Variants in TEX36 observed in about 807,000 individuals in gnomAD.
TEX36 encodes the protein testis-expressed protein 36.
A neutral mutation model predicts 13.6 loss-of-function variants in TEX36; 12 were observed. The ratio of observed to expected loss-of-function variants is 0.88; its 90% CI spans 0.56 to 1.43. The LOEUF is 1.43. Among genes scored for constraint, TEX36 ranks in the 40% most tolerant of loss-of-function variants. The pLI is 0.00. For synonymous variants in TEX36, 93 were observed against 83.0 expected (o/e 1.12, Z -0.65); for missense variants, 224 against 228.3 (o/e 0.98, Z 0.12).
chr10:125,603,324 TGGCGGGGGTCCA>T (rs1846173225), intron 3 of TEX36, among the ~76,000 whole-genome samples: 1 of 152,128 alleles, frequency 6.6e-6, no homozygotes. Flanking sequence ...ACCAGAAACC[TGGCGGGGGTCCA>T]GGGGTGGGGT....
chr10:125,585,877 G>A (rs913031974), intron 3 of TEX36, among the ~76,000 whole-genome samples: 1 of 152,210 alleles, frequency 6.6e-6, no homozygotes. Context: ...CTGCTGTTAA[G>A]CTGTCTTTGT....
intron 3 of TEX36, among the ~76,000 whole-genome samples, chr10:125,645,628 A>G (rs1009542731): frequency 1.3e-5 from 2 of 152,230 alleles, no homozygotes; most frequent in African/African-American, 4.8e-5. Flanking sequence ...ATTATTCCAG[A>G]TATCCTATCC....
intron 3 of TEX36, among the ~76,000 whole-genome samples, chr10:125,604,663 T>C (rs1033839684): frequency 2.0e-5 from 3 of 152,162 alleles, no homozygotes; most frequent in African/African-American, 7.2e-5. Flanking sequence ...AATACAAAAA[T>C]TAGCCAGGTG....
intron 3 of TEX36, among the ~76,000 whole-genome samples, chr10:125,581,719 C>T (rs1845885713): frequency 6.6e-6 from 1 of 152,116 alleles, no homozygotes; most frequent in African/African-American, 2.4e-5. Context: ...AATCATGAAA[C>T]AGAGAAGGTG....
rs1400399648 is a variant in TEX36, at chr10:125,590,488, T to C, written c.265-13614A>G. Among the ~76,000 whole-genome samples, 8 of 152,184 alleles carry C rather than the reference T, an allele frequency of 5.3e-5. No homozygotes were observed. In the East Asian group the frequency reaches 5.8e-4, roughly 11 times the overall value. Reference sequence around the variant, plus strand: ...TACTATCTTCATGGTGGCAATACTTTGTAAAGATTAATAAAATTTTACAAA... The same window carrying C: ...TACTATCTTCATGGTGGCAATACTTCGTAAAGATTAATAAAATTTTACAAA... On this transcript the variant is annotated intron_variant, in intron 3 of 3. Transcript: ENST00000532135.
chr10:125,615,931 T>C (rs879774110), intron 3 of TEX36, among the ~76,000 whole-genome samples: 2 of 152,234 alleles, frequency 1.3e-5, no homozygotes, highest in Non-Finnish European at 2.9e-5. Flanking sequence ...TTTTGCTTGG[T>C]AAGCTATTGA....
downstream of TEX36, among the ~76,000 whole-genome samples, chr10:125,621,278 G>T (rs1459250815): frequency 6.6e-6 from 1 of 152,114 alleles, no homozygotes; most frequent in Non-Finnish European, 1.5e-5. Context: ...GCCATCGTGT[G>T]TTAAGCAGTC....
At chr10:125,629,694 G>C (rs1032831611) in intron 3 of TEX36, among the ~76,000 whole-genome samples, 3 of 152,130 alleles carry the variant, frequency 2.0e-5, no homozygotes, top group Non-Finnish European at 4.4e-5. Flanking sequence ...TAAATTAACT[G>C]TTAGGGATGA....
chr10:125,628,294 G>A (rs188023741), intron 3 of TEX36, among the ~76,000 whole-genome samples: 152 of 152,302 alleles, frequency 1.0e-3, no homozygotes, highest in Non-Finnish European at 1.5e-3. Context: ...ATGTTCTGTC[G>A]AAAATGATTT....
rs762016308 is a variant in TEX36, at chr10:125,683,138, C to T, written c.-149G>A. 4.4e-6 allele frequency: 4 copies of T among 918,482 alleles called. No homozygotes were observed. Among genetic ancestry groups the T allele is most frequent in the Non-Finnish European group, 6.8e-6 (4 of 585,454 alleles). 56.9% of individuals were successfully genotyped at this position (918,482 alleles called of 1,614,324 possible). A position where few individuals can be genotyped will look rare whatever the true frequency, so the allele number is the denominator to read the frequency against. ...TTGTTCCTGATCTTTACTTCTCAGC[C>T]TCTTCCAGGAGGGGAAGGTGCGGGT... On this transcript the variant is annotated 5_prime_UTR_variant, in exon 1 of 4. Transcript: ENST00000368821.
chr10:125,623,444 G>A (rs145408275), intron 3 of TEX36, among the ~76,000 whole-genome samples: 102 of 152,198 alleles, frequency 6.7e-4, no homozygotes, highest in Non-Finnish European at 1.3e-3. Flanking sequence ...TTGATACCTC[G>A]TGTTCATAAC....
chr10:125,637,540 G>A (rs186353658), intron 3 of TEX36, among the ~76,000 whole-genome samples: 71 of 152,274 alleles, frequency 4.7e-4, no homozygotes, highest in African/African-American at 1.7e-3. Context: ...GTGCTGCAGT[G>A]AACAGAGGAG....
At chr10:125,648,911 T>C (rs1270858872) in intron 3 of TEX36, among the ~76,000 whole-genome samples, 2 of 152,094 alleles carry the variant, frequency 1.3e-5, no homozygotes, top group Non-Finnish European at 2.9e-5. Flanking sequence ...GTATCAGTGA[T>C]TGAAGATCAA....
intron 1 of TEX36, 84 bp from the exon 2 acceptor site, chr10:125,662,061 T>C: frequency 6.7e-7 from 1 of 1,495,868 alleles, no homozygotes; most frequent in East Asian, 2.5e-5. Flanking sequence ...TGTACAGTGA[T>C]TAAAATGCAA....
chr10:125,660,145 A>G (rs775275243), intron 3 of TEX36, among the ~76,000 whole-genome samples: 5 of 152,158 alleles, frequency 3.3e-5, no homozygotes, highest in Non-Finnish European at 5.9e-5. Context: ...TTTGCTTGAG[A>G]TAGGATCTCA....
intron 3 of TEX36, among the ~76,000 whole-genome samples, chr10:125,591,370 C>T (rs939919032): frequency 2.6e-5 from 4 of 152,172 alleles, no homozygotes; most frequent in African/African-American, 9.7e-5. Context: ...TCCCCCCAAA[C>T]CCTTGCAATT....
At chr10:125,649,229 G>GA (rs1846817320) in intron 3 of TEX36, among the ~76,000 whole-genome samples, 1 of 152,132 alleles carries the variant, frequency 6.6e-6, no homozygotes, top group African/African-American at 2.4e-5. Context: ...TGAAATGAAG[G>GA]AAAAAATGTT....
chr10:125,602,659 C>T (rs532068594), intron 3 of TEX36, among the ~76,000 whole-genome samples: 12 of 152,168 alleles, frequency 7.9e-5, no homozygotes, highest in African/African-American at 2.9e-4. Flanking sequence ...CCTAAAGACA[C>T]AAATCAAAGA....
At chr10:125,632,024 G>A (rs1410282242) in intron 3 of TEX36, among the ~76,000 whole-genome samples, 1 of 152,194 alleles carries the variant, frequency 6.6e-6, no homozygotes, top group African/African-American at 2.4e-5. Context: ...AAAGCTGGAA[G>A]TGAGGGGGAT....
Sources: gnomAD v4.1 joint callset for allele counts (sites outside exome capture counted in the v4.1 genomes callset) on GRCh38, gnomAD v4.1.1 for gene constraint, MANE v1.5 for transcripts, NCBI Gene and HGNC (gene_info 2026-07-23, HGNC 2026-07-21) for gene names.